Variants in PPFIA2 observed in about 807,000 individuals in gnomAD.
PPFIA2 encodes the protein liprin-alpha-2.
Under a neutral mutation model 175.5 loss-of-function variants are expected in PPFIA2, and 46 were observed. That is an observed-to-expected ratio of 0.26 (90% CI 0.21 to 0.34). The LOEUF is 0.34. Among genes scored for constraint, PPFIA2 ranks in the 10% least tolerant of loss-of-function variants. The pLI is 1.00. For synonymous variants in PPFIA2, 568 were observed against 511.4 expected, an observed-to-expected ratio of 1.11 and a Z score of -1.49; for missense variants, 1,179 against 1,506.1, an observed-to-expected ratio of 0.78 and a Z score of 3.60.
intron 4 of PPFIA2, among the ~76,000 whole-genome samples, chr12:81,496,398 T>C (rs1390421790): frequency 6.6e-6 from 1 of 152,196 alleles, no homozygotes; most frequent in Non-Finnish European, 1.5e-5. Flanking sequence ...AATGCTATTA[T>C]ATCATGTGAA....
At chr12:81,693,808 G>A (rs2075557470) in intron 3 of PPFIA2, among the ~76,000 whole-genome samples, 3 of 152,122 alleles carry the variant, frequency 2.0e-5, no homozygotes, top group African/African-American at 4.8e-5. Context: ...TAAGGTCCAG[G>A]TGTCAAGGTC....
intron 28 of PPFIA2, among the ~76,000 whole-genome samples, chr12:81,276,053 C>T (rs970137828): frequency 6.6e-6 from 1 of 152,006 alleles, no homozygotes; most frequent in Non-Finnish European, 1.5e-5. Flanking sequence ...CAAAGTGCTG[C>T]GATTACAGGC....
chr12:81,729,902 C>T (rs976042549), intron 3 of PPFIA2, among the ~76,000 whole-genome samples: 6 of 151,492 alleles, frequency 4.0e-5, no homozygotes, highest in Non-Finnish European at 7.4e-5. Flanking sequence ...GTTCCACAAC[C>T]GCAAGGATTG....
chr12:81,432,824 C>T (rs2048336393), intron 7 of PPFIA2, among the ~76,000 whole-genome samples: 1 of 152,044 alleles, frequency 6.6e-6, no homozygotes, highest in Non-Finnish European at 1.5e-5. Flanking sequence ...AAATGCCTGG[C>T]AACTGGAAGA....
At chr12:81,666,814 G>C (rs941585362) in intron 4 of PPFIA2, among the ~76,000 whole-genome samples, 1 of 151,956 alleles carries the variant, frequency 6.6e-6, no homozygotes, top group African/African-American at 2.4e-5. Context: ...AAGTAAATTT[G>C]CTCAAGGTTA....
intron 22 of PPFIA2, chr12:81,302,759 C>T: frequency 2.4e-6 from 1 of 422,752 alleles, no homozygotes; most frequent in South Asian, 1.7e-5. Flanking sequence ...GCAATATTGC[C>T]TTGCATTATT....
intron 4 of PPFIA2, among the ~76,000 whole-genome samples, chr12:81,629,127 T>G (rs1474264255): frequency 6.6e-6 from 1 of 152,172 alleles, no homozygotes; most frequent in Non-Finnish European, 1.5e-5. Context: ...AATGAGATCA[T>G]ACGAGCTTTG....
intron 7 of PPFIA2, 102 bp from the exon 8 acceptor site, chr12:81,406,005 C>T (rs555688442): frequency 1.7e-6 from 1 of 585,344 alleles, no homozygotes; most frequent in Non-Finnish European, 2.9e-6. Context: ...TGAACACTAA[C>T]AAATAACCAG....
At chr12:81,667,406 C>T (rs1269888814) in intron 4 of PPFIA2, among the ~76,000 whole-genome samples, 1 of 151,996 alleles carries the variant, frequency 6.6e-6, no homozygotes, top group African/African-American at 2.4e-5. Context: ...TTCTTGAAAA[C>T]CATTAGAATT....
At chr12:81,481,757 C>T (rs577570955) in intron 4 of PPFIA2, among the ~76,000 whole-genome samples, 4 of 152,274 alleles carry the variant, frequency 2.6e-5, no homozygotes, top group Admixed American at 2.6e-4. Flanking sequence ...GGTTTAAAGA[C>T]TTGAATGTAA....
chr12:81,745,309 G>A (rs2082898075), intron 3 of PPFIA2, among the ~76,000 whole-genome samples: 1 of 152,066 alleles, frequency 6.6e-6, no homozygotes. Context: ...TGCACTGGAG[G>A]GTAGGAGTCT....
At chr12:81,643,054 A>G (rs2065561891) in intron 4 of PPFIA2, among the ~76,000 whole-genome samples, 1 of 148,088 alleles carries the variant, frequency 6.8e-6, no homozygotes, top group Non-Finnish European at 1.5e-5. Flanking sequence ...TGTTATATAT[A>G]CACGTATATA....
At chr12:81,644,019 A>C (rs1319027517) in intron 4 of PPFIA2, among the ~76,000 whole-genome samples, 2 of 152,042 alleles carry the variant, frequency 1.3e-5, no homozygotes, top group Non-Finnish European at 2.9e-5. Flanking sequence ...CAGCACCTTG[A>C]CCAACAAAAA....
intron 3 of PPFIA2, among the ~76,000 whole-genome samples, chr12:81,678,725 A>C (rs1171709303): frequency 6.6e-6 from 1 of 151,886 alleles, no homozygotes; most frequent in Non-Finnish European, 1.5e-5. Flanking sequence ...AGAATCTGAA[A>C]AACATAATGG....
chr12:81,281,118 A>T, intron 27 of PPFIA2, 139 bp downstream of exon 27: 1 of 650,028 alleles, frequency 1.5e-6, no homozygotes, highest in African/African-American at 1.9e-5. Flanking sequence ...ACATTTTTCC[A>T]AGTAGATGTA....
At chr12:81,717,191 T>G (rs1266921699) in intron 3 of PPFIA2, among the ~76,000 whole-genome samples, 2 of 151,756 alleles carry the variant, frequency 1.3e-5, no homozygotes, top group Non-Finnish European at 2.9e-5. Context: ...ATACACATTA[T>G]ATAAATGAAT....
At chr12:81,542,024 T>C (rs1189612532) in intron 4 of PPFIA2, among the ~76,000 whole-genome samples, 1 of 146,936 alleles carries the variant, frequency 6.8e-6, no homozygotes, top group African/African-American at 2.5e-5. Context: ...GATTGGTGAC[T>C]TCCAAAAAAA....
At chr12:81,437,863 C>T (rs547032163) in intron 7 of PPFIA2, among the ~76,000 whole-genome samples, 43 of 151,982 alleles carry the variant, frequency 2.8e-4, no homozygotes, top group Non-Finnish European at 5.3e-4. Context: ...CTGTGTACTC[C>T]TTCTCATTAC....
At chr12:81,290,023 T>C (rs2044493481) in intron 24 of PPFIA2, among the ~76,000 whole-genome samples, 1 of 151,662 alleles carries the variant, frequency 6.6e-6, no homozygotes, top group African/African-American at 2.4e-5. Flanking sequence ...GCCCATTATA[T>C]CTAGGCAGGA....
Sources: allele counts gnomAD v4.1 joint callset (sites outside exome capture counted in the v4.1 genomes callset), GRCh38; gene constraint gnomAD v4.1.1; transcripts MANE v1.5; gene names NCBI Gene and HGNC (gene_info 2026-07-23, HGNC 2026-07-21).